C2CD3: variants seen among roughly 807,000 people sequenced by gnomAD.
C2CD3 encodes C2 domain containing 3 centriole elongation regulator.
Under a neutral mutation model 234.0 loss-of-function variants are expected in C2CD3, and 148 were observed. That is an observed-to-expected ratio of 0.63 (90% CI 0.55 to 0.72). C2CD3 has a LOEUF of 0.72. Ranked by LOEUF, C2CD3 falls within the 30% of genes least tolerant of loss-of-function variation. C2CD3 has a pLI of 0.00. For missense variants in C2CD3, 2,577 were observed against 2,811.5 expected, an observed-to-expected ratio of 0.92 and a Z score of 1.89; for synonymous variants, 1,000 against 1,035.4, an observed-to-expected ratio of 0.97 and a Z score of 0.66.
chr11:74,117,361 AATATATATATATATATAT>A (rs71469494), intron 9 of C2CD3, among the ~76,000 whole-genome samples: 1 of 94,832 alleles, frequency 1.1e-5, no homozygotes, highest in African/African-American at 4.1e-5. Context: ...TTTGGCCTCA[AATATATATATATATATAT>A]ATATATATAT....
At chr11:74,066,294 T>C (rs1000793465) in intron 24 of C2CD3, among the ~76,000 whole-genome samples, 2 of 132,264 alleles carry the variant, frequency 1.5e-5, no homozygotes, top group African/African-American at 6.1e-5. Context: ...TTAGGAGATA[T>C]ACCTAATGTA....
intron 9 of C2CD3, among the ~76,000 whole-genome samples, chr11:74,116,654 T>C (rs1162319650): frequency 6.6e-6 from 1 of 151,714 alleles, no homozygotes; most frequent in Admixed American, 6.6e-5. Context: ...GAAGTCACTA[T>C]ATGAAAAAGA....
chr11:74,133,623 T>A (rs943783809), intron 5 of C2CD3, 66 bp from the exon 6 acceptor site: 1 of 1,555,334 alleles, frequency 6.4e-7, no homozygotes, highest in African/African-American at 1.4e-5. Flanking sequence ...GAATATTCAG[T>A]GCATTTCCTT....
chr11:74,161,399 C>T lies in C2CD3; in HGVS notation c.483G>A (p.Gln161=). 1 of 1,552,072 alleles carries T rather than the reference C, an allele frequency of 6.4e-7. No homozygotes were observed. The highest frequency in any genetic ancestry group is 8.7e-7 in the Non-Finnish European group (1 of 1,148,108). ...GCAAATAATTAAAATATATTTTTAC[C>T]TGGAGTTCTCCAAGTTTCTTAGACG... ...SSTSKKLGEL[Q]VSLALEPLSE... Residue 161 remains glutamine, a splice_region_variant and synonymous_variant, in exon 3 of 33, where the codon CAG becomes CAA. Transcript: ENST00000334126.
chr11:74,097,820 T>C (rs749614242), intron 16 of C2CD3, among the ~76,000 whole-genome samples, 189 bp downstream of exon 16: 11 of 152,236 alleles, frequency 7.2e-5, no homozygotes, highest in Non-Finnish European at 1.3e-4. Context: ...AAGAGGGACA[T>C]AGAGATCCAT....
In C2CD3 at chr11:74,096,837, C is replaced by G. The variant is rs552248350; in HGVS notation, c.2979+1172G>C. Among the ~76,000 whole-genome samples, 4 of 152,180 alleles carry G rather than the reference C, an allele frequency of 2.6e-5. No homozygotes were observed. In the South Asian group the frequency reaches 8.3e-4, roughly 32 times the overall value. ...CTTGAAAAATACGATTATCTATTGA[C>G]AAACAATAATATCTAAGAAATAACT... On this transcript the variant is annotated intron_variant, in intron 16 of 32. Transcript: ENST00000334126.
chr11:74,057,574 C>T (rs1345048705), intron 24 of C2CD3, 30 bp from the exon 25 acceptor site: 2 of 1,613,094 alleles, frequency 1.2e-6, no homozygotes, highest in Non-Finnish European at 1.7e-6. Context: ...AGTGACTGTA[C>T]TTTAGGGTAC....
At chr11:74,084,771 G>C in intron 22 of C2CD3, 110 bp downstream of exon 22, 1 of 698,624 alleles carries the variant, frequency 1.4e-6, no homozygotes, top group Non-Finnish European at 2.6e-6. Flanking sequence ...ATGTGTTAAG[G>C]GGTTGTGTTT....
chr11:74,126,658 C>T (rs1013351771), intron 7 of C2CD3, among the ~76,000 whole-genome samples: 17 of 152,178 alleles, frequency 1.1e-4, no homozygotes, highest in African/African-American at 4.1e-4. Context: ...GCAGGAGAAT[C>T]GCTTGAACCC....
chr11:74,084,264 CG>C (rs1246045700), intron 22 of C2CD3, among the ~76,000 whole-genome samples: 1 of 151,738 alleles, frequency 6.6e-6, no homozygotes, highest in Admixed American at 6.6e-5. Context: ...GGACACACGG[CG>C]GGGAACATTA....
In C2CD3 at chr11:74,129,119, C is replaced by A. The variant is rs866216822; in HGVS notation, c.1217+3725G>T. 1.9e-4 allele frequency: 30 copies of A among 158,882 alleles called. 1 individual carries two copies. The Admixed American group carries it at 2.0e-3, about 11-fold the overall frequency. 9.8% of individuals were successfully genotyped at this position (158,882 alleles called of 1,614,324 possible). ...GGGGCTCCTCACTTCCCAGTAGGGG[C>A]GGCCGGGCAGAGGCGCCCCTCACCT... On this transcript the variant is annotated intron_variant, in intron 7 of 32. Coordinates refer to ENST00000334126, the MANE Select transcript of C2CD3 (RefSeq NM_001286577.2).
intron 2 of C2CD3, among the ~76,000 whole-genome samples, chr11:74,161,970 C>T (rs1053848365): frequency 6.6e-6 from 1 of 152,026 alleles, no homozygotes; most frequent in Non-Finnish European, 1.5e-5. Flanking sequence ...CACACGCCAC[C>T]ACACTGGGGT....
chr11:74,015,132 C>T (rs1227045661), intron 32 of C2CD3, among the ~76,000 whole-genome samples: 4 of 152,240 alleles, frequency 2.6e-5, no homozygotes, highest in Non-Finnish European at 5.9e-5. Flanking sequence ...CTGCCTGTTG[C>T]TCTCCCACTT....
intron 3 of C2CD3, among the ~76,000 whole-genome samples, chr11:74,144,014 A>C (rs1450819417): frequency 6.6e-6 from 1 of 152,204 alleles, no homozygotes. Context: ...ATATGTGTAG[A>C]GTTGTTCACA....
intron 3 of C2CD3, among the ~76,000 whole-genome samples, chr11:74,158,664 G>T (rs1019034778): frequency 3.3e-5 from 5 of 151,934 alleles, no homozygotes; most frequent in Non-Finnish European, 7.4e-5. Flanking sequence ...GGAGGTTGTG[G>T]GGAGCCGAGA....
chr11:74,145,413 T>G (rs1855112784), intron 3 of C2CD3, among the ~76,000 whole-genome samples: 1 of 152,188 alleles, frequency 6.6e-6, no homozygotes, highest in Admixed American at 6.5e-5. Context: ...ATGGGGTTAT[T>G]TTTTGCTTGT....
At chr11:74,124,239 T>C (rs1957323072) in intron 7 of C2CD3, among the ~76,000 whole-genome samples, 1 of 152,190 alleles carries the variant, frequency 6.6e-6, no homozygotes, top group Non-Finnish European at 1.5e-5. Flanking sequence ...CTTTCCATGT[T>C]GCTTCCTTTC....
chr11:74,050,350 C>T (rs1268014513), intron 26 of C2CD3, among the ~76,000 whole-genome samples: 2 of 152,214 alleles, frequency 1.3e-5, no homozygotes, highest in African/African-American at 2.4e-5. Context: ...TGGGCTCAGG[C>T]TCTTCTCTAC....
chr11:74,117,554 A>C (rs932801554), intron 9 of C2CD3, among the ~76,000 whole-genome samples: 1 of 151,844 alleles, frequency 6.6e-6, no homozygotes, highest in East Asian at 1.9e-4. Flanking sequence ...ATGCAAAGGC[A>C]TAAGAATGAT....
Sources: gnomAD v4.1 joint callset for allele counts (sites outside exome capture counted in the v4.1 genomes callset) on GRCh38, gnomAD v4.1.1 for gene constraint, MANE v1.5 for transcripts, NCBI Gene and HGNC (gene_info 2026-07-23, HGNC 2026-07-21) for gene names.